Variants in SPAG16 observed in about 807,000 individuals in gnomAD.
SPAG16 encodes sperm-associated antigen 16 protein.
SPAG16 carries 86 observed loss-of-function variants against 80.4 expected under a neutral mutation model. The observed-to-expected ratio is 1.07, with a 90% confidence interval of 0.90 to 1.28. The LOEUF (loss-of-function observed/expected upper bound fraction) is 1.28, where lower values mean the gene tolerates loss of function less well. Ranked by LOEUF, SPAG16 falls within the 50% of genes most tolerant of loss-of-function variation. SPAG16 has a pLI of 0.00. For missense variants in SPAG16, 870 were observed against 765.3 expected (o/e 1.14, Z -1.61); for synonymous variants, 294 against 265.9 (o/e 1.11, Z -1.03).
intron 8 of SPAG16, among the ~76,000 whole-genome samples, chr2:213,368,132 G>T (rs1387271968): frequency 6.6e-6 from 1 of 152,020 alleles, no homozygotes; most frequent in African/African-American, 2.4e-5. Flanking sequence ...GCTCTGTTCT[G>T]TTCCATTGGT....
rs147552326 is a variant in SPAG16 at position 213,835,023 on chromosome 2, C to A, written c.1071-27462C>A. Among the ~76,000 whole-genome samples, 7 of 152,238 alleles carry A rather than the reference C, an allele frequency of 4.6e-5. No homozygotes were observed. In the East Asian group the frequency reaches 1.4e-3, roughly 29 times the overall value. The stretch of plus-strand genomic sequence containing the variant: ...GAACTCTATCCCAGTTTCCTGATCT[C>A]TGGTTGTAGGTTACTGTTAGATTTA... On this transcript the variant is annotated intron_variant, in intron 10 of 15. Coordinates refer to ENST00000331683, the MANE Select transcript of SPAG16 (RefSeq NM_024532.5).
intron 13 of SPAG16, among the ~76,000 whole-genome samples, chr2:214,016,765 C>T (rs2047611455): frequency 6.6e-6 from 1 of 152,102 alleles, no homozygotes; most frequent in African/African-American, 2.4e-5. Flanking sequence ...CCTCCATATT[C>T]TTCTTAGTGA....
chr2:213,862,378 T>A, intron 10 of SPAG16, 107 bp from the exon 11 acceptor site: 1 of 1,428,210 alleles, frequency 7.0e-7, no homozygotes, highest in Non-Finnish European at 9.6e-7. Flanking sequence ...CTCTCAAAAC[T>A]ATCCTGCCTT....
chr2:213,874,555 C>T (rs1304713345), intron 11 of SPAG16, among the ~76,000 whole-genome samples: 1 of 152,130 alleles, frequency 6.6e-6, no homozygotes, highest in Non-Finnish European at 1.5e-5. Context: ...GTAATATACC[C>T]TTAAACAACT....
At chr2:213,304,648 T>C (rs972194071) in intron 3 of SPAG16, among the ~76,000 whole-genome samples, 9 of 152,170 alleles carry the variant, frequency 5.9e-5, no homozygotes, top group Non-Finnish European at 1.0e-4. Flanking sequence ...TTTCCCCTAA[T>C]GTATGTTCTT....
In SPAG16 at chr2:213,980,725, T is replaced by TATATATATATATATATAGAGAGAGAG. The variant is rs374274176; in HGVS notation, c.1401-33225_1401-33224insTATATATATATATATAGAGAGAGAGA. Among the ~76,000 whole-genome samples the TATATATATATATATATAGAGAGAGAG allele has an allele frequency of 5.1e-4, 53 of 103,982 alleles. 1 individual carries two copies. The highest frequency in any genetic ancestry group is 2.0e-3 in the African/African-American group (40 of 20,082). 68.2% of individuals were successfully genotyped at this position (103,982 alleles called of 152,430 possible). ...GTGTGTGTGTGTGTATATATATATA[T>TATATATATATATATATAGAGAGAGAG]AGAGAGAGAGAGAGAGAGAGAGAGA... On this transcript the variant is annotated intron_variant, in intron 12 of 15. Coordinates refer to ENST00000331683, the MANE Select transcript of SPAG16 (RefSeq NM_024532.5).
intron 15 of SPAG16, among the ~76,000 whole-genome samples, chr2:214,208,735 C>T (rs913017266): frequency 2.0e-5 from 3 of 152,046 alleles, no homozygotes; most frequent in African/African-American, 7.2e-5. Context: ...CTCCCACATG[C>T]TTAGGGTTCC....
chr2:214,282,099 G>T (rs1484154229), intron 15 of SPAG16, among the ~76,000 whole-genome samples: 16 of 152,174 alleles, frequency 1.1e-4, no homozygotes, highest in Non-Finnish European at 1.6e-4. Context: ...AAAGGCTCCA[G>T]AAGTGTATAC....
At chr2:214,376,553 G>A (rs1175689151) in intron 15 of SPAG16, among the ~76,000 whole-genome samples, 1 of 151,978 alleles carries the variant, frequency 6.6e-6, no homozygotes, top group Non-Finnish European at 1.5e-5. Flanking sequence ...TGTTTGGTTT[G>A]ACACTATATT....
At chr2:214,272,132 C>CTTTTACAATTATAA (rs1692072984) in intron 15 of SPAG16, among the ~76,000 whole-genome samples, 2 of 152,044 alleles carry the variant, frequency 1.3e-5, no homozygotes, top group Admixed American at 6.6e-5. Flanking sequence ...ATCTGTATAG[C>CTTTTACAATTATAA]TTTTACAATT....
At chr2:213,326,995 A>G (rs1456515309) in intron 5 of SPAG16, among the ~76,000 whole-genome samples, 2 of 152,000 alleles carry the variant, frequency 1.3e-5, no homozygotes, top group African/African-American at 4.8e-5. Context: ...TGAATTGTAG[A>G]CTTTGATATG....
chr2:213,957,648 C>T (rs1399077002), intron 12 of SPAG16, among the ~76,000 whole-genome samples: 5 of 152,006 alleles, frequency 3.3e-5, no homozygotes, highest in African/African-American at 9.7e-5. Context: ...TTTCCATATA[C>T]CTTATAAATA....
At chr2:214,390,735 T>A (rs527427014) in intron 15 of SPAG16, among the ~76,000 whole-genome samples, 1 of 151,920 alleles carries the variant, frequency 6.6e-6, no homozygotes, top group Non-Finnish European at 1.5e-5. Flanking sequence ...TCCAACTGGA[T>A]GGAATATGTA....
intron 7 of SPAG16, among the ~76,000 whole-genome samples, chr2:213,363,435 A>T (rs2066106985): frequency 1.3e-5 from 2 of 152,012 alleles, no homozygotes; most frequent in Admixed American, 1.3e-4. Context: ...TAGTAGAAAA[A>T]AGTGTGTATC....
chr2:213,590,559 A>C (rs973303014), intron 10 of SPAG16, among the ~76,000 whole-genome samples: 1 of 152,198 alleles, frequency 6.6e-6, no homozygotes, highest in Non-Finnish European at 1.5e-5. Flanking sequence ...TAGCATCATC[A>C]CTAGCATCAT....
chr2:213,963,231 G>A (rs868418798), intron 12 of SPAG16, among the ~76,000 whole-genome samples: 9 of 151,124 alleles, frequency 6.0e-5, no homozygotes, highest in African/African-American at 1.5e-4. Context: ...TTGGTATGTC[G>A]TGTTTTCATT....
intron 7 of SPAG16, among the ~76,000 whole-genome samples, chr2:213,361,528 T>A (rs967858368): frequency 6.6e-6 from 1 of 151,124 alleles, no homozygotes; most frequent in African/African-American, 2.4e-5. Context: ...CACTCTGTAA[T>A]AAAAGGAAAG....
intron 12 of SPAG16, 108 bp from the exon 13 acceptor site, chr2:214,013,843 G>T (rs932174471): frequency 8.2e-6 from 9 of 1,103,066 alleles, no homozygotes; most frequent in African/African-American, 1.6e-5. Context: ...TAAAATTTTT[G>T]CCATTAATAA....
At chr2:213,483,306 C>T (rs1289287335) in intron 9 of SPAG16, among the ~76,000 whole-genome samples, 1 of 152,040 alleles carries the variant, frequency 6.6e-6, no homozygotes, top group East Asian at 1.9e-4. Context: ...TCTCAGAGTA[C>T]GTTTTTAGAA....
Sources: allele counts gnomAD v4.1 joint callset (sites outside exome capture counted in the v4.1 genomes callset), GRCh38; gene constraint gnomAD v4.1.1; transcripts MANE v1.5; gene names NCBI Gene and HGNC (gene_info 2026-07-23, HGNC 2026-07-21).